The following IPP variants were observed in gnomAD, a reference collection of about 807,000 sequenced individuals.
IPP encodes the protein actin-binding protein IPP.
In IPP, 41 loss-of-function variants were observed where a neutral mutation model predicts 64.1. That is an observed-to-expected ratio of 0.64 (90% CI 0.50 to 0.83). The LOEUF is 0.83. Ranked by LOEUF, IPP falls within the 40% of genes least tolerant of loss-of-function variation. The pLI is 0.00. For missense variants in IPP, 649 were observed against 703.0 expected, an observed-to-expected ratio of 0.92 and a Z score of 0.87; for synonymous variants, 214 against 235.2, an observed-to-expected ratio of 0.91 and a Z score of 0.83.
chr1:45,729,834 T>G (rs1428397396), intron 3 of IPP, 65 bp from the exon 4 acceptor site: 2 of 941,444 alleles, frequency 2.1e-6, no homozygotes, highest in Non-Finnish European at 3.1e-6. Flanking sequence ...AAAACACATT[T>G]CTATAAAGAT....
At chr1:45,695,198 ACTCTTGCTCAGGCC>A (rs1645376238), downstream of IPP, among the ~76,000 whole-genome samples, 2 of 151,496 alleles carry the variant, frequency 1.3e-5, no homozygotes, top group African/African-American at 4.9e-5. Context: ...GCAGGGTCTC[ACTCTTGCTCAGGCC>A]AGAGTGTAGT....
In IPP at chr1:45,722,181, G is replaced by A. The variant is rs527766459; in HGVS notation, c.1049-2841C>T. Among the ~76,000 whole-genome samples the A allele has an allele frequency of 2.2e-3, 338 of 152,228 alleles. 3 individuals are homozygous for A. Among genetic ancestry groups the A allele is most frequent in the African/African-American group, 7.5e-3 (310 of 41,530 alleles). ...AGGCAGGAGAATCACTTGAACCCGG[G>A]AGGCAGAGGTTGCTGTGAGCCGAGA... On this transcript the variant is annotated intron_variant, in intron 5 of 8. Transcript: ENST00000396478.
chr1:45,719,083 C>T, intron 6 of IPP, 120 bp downstream of exon 6: 2 of 827,240 alleles, frequency 2.4e-6, no homozygotes, highest in South Asian at 1.7e-5. Context: ...GATTATTACG[C>T]ATTATGTGCC....
At chr1:45,749,989 G>A (rs1646198657) in intron 1 of IPP, among the ~76,000 whole-genome samples, 1 of 152,192 alleles carries the variant, frequency 6.6e-6, no homozygotes, top group East Asian at 1.9e-4. Context: ...AGAAGTCGAG[G>A]CTGCAGTGAG....
chr1:45,707,422 C>CAAAAAAAAAAAAA (rs66578618), intron 8 of IPP, among the ~76,000 whole-genome samples: 2 of 73,574 alleles, frequency 2.7e-5, no homozygotes, highest in Non-Finnish European at 4.8e-5. Flanking sequence ...GACTCCATAT[C>CAAAAAAAAAAAAA]AAAAAAAAAA....
At chr1:45,733,645 A>G (rs1486062853) in intron 3 of IPP, among the ~76,000 whole-genome samples, 1 of 151,942 alleles carries the variant, frequency 6.6e-6, no homozygotes, top group Non-Finnish European at 1.5e-5. Context: ...CAGCCTGGCC[A>G]ATATGGCGAA....
chr1:45,727,213 C>G (rs1645840731), intron 5 of IPP, among the ~76,000 whole-genome samples: 1 of 151,958 alleles, frequency 6.6e-6, no homozygotes, highest in South Asian at 2.1e-4. Flanking sequence ...CCACATCTGG[C>G]TCATTTTAAA....
intron 3 of IPP, among the ~76,000 whole-genome samples, chr1:45,740,478 G>A (rs1053818519): frequency 5.3e-5 from 8 of 152,008 alleles, no homozygotes; most frequent in African/African-American, 1.7e-4. Flanking sequence ...CCTCCCGAAC[G>A]GGGCGGCTGG....
At chr1:45,749,392 G>A (rs1398354283) in intron 1 of IPP, among the ~76,000 whole-genome samples, 1 of 151,942 alleles carries the variant, frequency 6.6e-6, no homozygotes, top group Non-Finnish European at 1.5e-5. Flanking sequence ...CATGCCTCAC[G>A]TGCCCCAAAC....
At chr1:45,706,464 T>C (rs75357784) in intron 8 of IPP, among the ~76,000 whole-genome samples, 1 of 152,136 alleles carries the variant, frequency 6.6e-6, no homozygotes, top group Non-Finnish European at 1.5e-5. Context: ...ATTTTTTTTT[T>C]CCAAGATGGA....
At chr1:45,697,004 A>C (rs1645393468), downstream of IPP, 1 of 152,226 alleles carries the variant, frequency 6.6e-6, no homozygotes, top group African/African-American at 2.4e-5. Flanking sequence ...ATCTGTTTTG[A>C]ATCAGAATAC....
At chr1:45,712,298 T>TTA (rs1553189236) in intron 8 of IPP, among the ~76,000 whole-genome samples, 1 of 131,338 alleles carries the variant, frequency 7.6e-6, no homozygotes, top group Non-Finnish European at 1.6e-5. Flanking sequence ...AGACGACGTC[T>TTA]AAAAAAAAAA....
chr1:45,711,750 TCA>T (rs1645593622), intron 8 of IPP, among the ~76,000 whole-genome samples: 1 of 135,502 alleles, frequency 7.4e-6, no homozygotes. Flanking sequence ...TAAGACTCTG[TCA>T]CAAAAAAAAA....
chr1:45,703,037 G>C (rs567348051), intron 8 of IPP, among the ~76,000 whole-genome samples: 3 of 151,180 alleles, frequency 2.0e-5, no homozygotes, highest in Admixed American at 6.6e-5. Flanking sequence ...GGAAAACAAT[G>C]AAAAAAAATG....
At chr1:45,694,734 C>T, downstream of IPP, 2 of 443,330 alleles carry the variant, frequency 4.5e-6, no homozygotes, top group East Asian at 3.9e-5. Flanking sequence ...GTACAGATAA[C>T]AACTTGTCCC....
At chr1:45,706,600 C>A (rs1645515834) in intron 8 of IPP, among the ~76,000 whole-genome samples, 1 of 152,128 alleles carries the variant, frequency 6.6e-6, no homozygotes, top group African/African-American at 2.4e-5. Flanking sequence ...CAGGCATGCA[C>A]CAACCTGCCC....
chr1:45,735,515 C>T (rs1645966923), intron 3 of IPP, among the ~76,000 whole-genome samples: 1 of 132,272 alleles, frequency 7.6e-6, no homozygotes. Flanking sequence ...TTCTCTAACC[C>T]AGGCTGGAGT....
chr1:45,705,724 C>A (rs182575026), intron 8 of IPP, among the ~76,000 whole-genome samples: 1 of 152,176 alleles, frequency 6.6e-6, no homozygotes, highest in East Asian at 1.9e-4. Context: ...AAGAATCACT[C>A]GAACCCAGGA....
intron 5 of IPP, among the ~76,000 whole-genome samples, chr1:45,723,774 T>C (rs1362930465): frequency 6.6e-6 from 1 of 152,122 alleles, no homozygotes; most frequent in African/African-American, 2.4e-5. Context: ...AGAAAATATT[T>C]ATACAATTTT....
Sources: gnomAD v4.1 joint callset for allele counts (sites outside exome capture counted in the v4.1 genomes callset) on GRCh38, gnomAD v4.1.1 for gene constraint, MANE v1.5 for transcripts, NCBI Gene and HGNC (gene_info 2026-07-23, HGNC 2026-07-21) for gene names.